The following PTN variants were observed in gnomAD, a reference collection of about 807,000 sequenced individuals.
PTN encodes the protein pleiotrophin.
A neutral mutation model predicts 24.1 loss-of-function variants in PTN; 18 were observed. The ratio of observed to expected loss-of-function variants is 0.75; its 90% CI spans 0.52 to 1.11. PTN has a LOEUF of 1.11. Among genes scored for constraint, PTN ranks in the 50% least tolerant of loss-of-function variants. The pLI is 0.00. For synonymous variants in PTN, 78 were observed against 68.6 expected (o/e 1.14, Z -0.67); for missense variants, 163 against 198.8 (o/e 0.82, Z 1.08).
At chr7:137,341,038 G>A (rs1299774984) in intron 1 of PTN, among the ~76,000 whole-genome samples, 1 of 152,100 alleles carries the variant, frequency 6.6e-6, no homozygotes, top group Non-Finnish European at 1.5e-5. Context: ...GGGTAAACTC[G>A]ATTTTGTGGG....
chr7:137,243,001 A>G (rs910016782), intron 4 of PTN, among the ~76,000 whole-genome samples: 2 of 152,208 alleles, frequency 1.3e-5, no homozygotes, highest in African/African-American at 4.8e-5. Flanking sequence ...CAGTGGCACG[A>G]TCTTGACTCA....
At chr7:137,328,226 T>A (rs1474632535) in intron 1 of PTN, among the ~76,000 whole-genome samples, 1 of 152,198 alleles carries the variant, frequency 6.6e-6, no homozygotes, top group Non-Finnish European at 1.5e-5. Flanking sequence ...CTTGTAATCC[T>A]GGGGTTCCTT....
chr7:137,283,434 A>G (rs1049860368), intron 1 of PTN, among the ~76,000 whole-genome samples: 1 of 152,178 alleles, frequency 6.6e-6, no homozygotes, highest in African/African-American at 2.4e-5. Context: ...AGAAGAACTG[A>G]AAAAAAGGAA....
chr7:137,254,739 A>G, intron 2 of PTN, 120 bp downstream of exon 2: 2 of 549,468 alleles, frequency 3.6e-6, no homozygotes, highest in Admixed American at 6.8e-5. Flanking sequence ...GGGAAGATTG[A>G]AGGAATAGAG....
chr7:137,308,316 G>T (rs1265398369), intron 1 of PTN, among the ~76,000 whole-genome samples: 1 of 151,966 alleles, frequency 6.6e-6, no homozygotes, highest in Non-Finnish European at 1.5e-5. Flanking sequence ...AGGAAGAAAG[G>T]TTATAGGAAA....
chr7:137,236,692 T>G (rs1303651573), intron 4 of PTN, among the ~76,000 whole-genome samples: 2 of 152,118 alleles, frequency 1.3e-5, no homozygotes, highest in Non-Finnish European at 2.9e-5. Context: ...ATTTAAATAT[T>G]TAAGAGCTTA....
chr7:137,278,977 AT>A (rs1229758175), intron 1 of PTN, among the ~76,000 whole-genome samples: 57 of 147,494 alleles, frequency 3.9e-4, no homozygotes, highest in Admixed American at 1.0e-3. Context: ...AATAATAATA[AT>A]AATAAAATAA....
At chr7:137,288,229 A>G (rs1380589896) in intron 1 of PTN, among the ~76,000 whole-genome samples, 1 of 152,164 alleles carries the variant, frequency 6.6e-6, no homozygotes, top group Admixed American at 6.5e-5. Flanking sequence ...GCCCCAAATA[A>G]TTTGCTCAGA....
At chr7:137,281,961 C>T (rs1291582683) in intron 1 of PTN, among the ~76,000 whole-genome samples, 7 of 152,176 alleles carry the variant, frequency 4.6e-5, no homozygotes, top group Non-Finnish European at 8.8e-5. Context: ...CCTAAGATTA[C>T]AAAGTGTTAG....
At chr7:137,290,375 T>C (rs1320020554) in intron 1 of PTN, among the ~76,000 whole-genome samples, 2 of 152,214 alleles carry the variant, frequency 1.3e-5, no homozygotes, top group African/African-American at 4.8e-5. Context: ...AAGACTTTAA[T>C]GGGTATTTCT....
chr7:137,237,457 A>AT (rs1359728433), intron 4 of PTN, among the ~76,000 whole-genome samples: 1 of 152,152 alleles, frequency 6.6e-6, no homozygotes, highest in Non-Finnish European at 1.5e-5. Flanking sequence ...ACTATATTTC[A>AT]TTTTTGTGTA....
chr7:137,324,432 A>AT (rs1336356829), intron 1 of PTN, among the ~76,000 whole-genome samples: 1,143 of 79,224 alleles, frequency 0.014, 10 homozygotes, highest in South Asian at 0.034. Context: ...AAAAAAAAAA[A>AT]AATATATATA....
chr7:137,297,999 G>A (rs10500126), intron 1 of PTN, among the ~76,000 whole-genome samples: 1,891 of 152,046 alleles, frequency 0.012, 21 homozygotes, highest in South Asian at 0.027. Flanking sequence ...TATTGTTCAC[G>A]TGTCAGAAAT....
At chr7:137,302,969 C>T (rs1004299866) in intron 1 of PTN, among the ~76,000 whole-genome samples, 5 of 151,868 alleles carry the variant, frequency 3.3e-5, no homozygotes, top group South Asian at 2.1e-4. Context: ...ACTTGATGTT[C>T]GTGTTTATTC....
At chr7:137,306,517 C>G (rs1809891385) in intron 1 of PTN, among the ~76,000 whole-genome samples, 1 of 151,958 alleles carries the variant, frequency 6.6e-6, no homozygotes, top group Admixed American at 6.6e-5. Context: ...CCCCTGGGAG[C>G]AGGGAGAGCT....
intron 1 of PTN, among the ~76,000 whole-genome samples, chr7:137,267,698 C>T (rs1220401782): frequency 5.9e-5 from 9 of 152,076 alleles, no homozygotes. Flanking sequence ...CAAAACACCA[C>T]GCTCACACCA....
intron 3 of PTN, 38 bp downstream of exon 3, chr7:137,253,426 C>A: frequency 1.3e-6 from 2 of 1,514,190 alleles, no homozygotes; most frequent in East Asian, 2.4e-5. Flanking sequence ...TGAGAATTAT[C>A]TCAGAGTAGG....
intron 4 of PTN, among the ~76,000 whole-genome samples, chr7:137,245,788 T>C (rs1443717295): frequency 6.6e-6 from 1 of 151,946 alleles, no homozygotes; most frequent in Non-Finnish European, 1.5e-5. Flanking sequence ...AGACCTAGGC[T>C]AATCTGTGTG....
At chr7:137,294,274 C>A (rs1237563588) in intron 1 of PTN, among the ~76,000 whole-genome samples, 1 of 152,074 alleles carries the variant, frequency 6.6e-6, no homozygotes, top group Non-Finnish European at 1.5e-5. Context: ...CTTAGTAGGG[C>A]TGGTGATGGC....
Sources: gnomAD v4.1 joint callset for allele counts (sites outside exome capture counted in the v4.1 genomes callset) on GRCh38, gnomAD v4.1.1 for gene constraint, MANE v1.5 for transcripts, NCBI Gene and HGNC (gene_info 2026-07-23, HGNC 2026-07-21) for gene names.